Variants in CDKAL1 observed in about 807,000 individuals in gnomAD.
CDKAL1 encodes threonylcarbamoyladenosine tRNA methylthiotransferase.
Under a neutral mutation model 68.2 loss-of-function variants are expected in CDKAL1, and 32 were observed. That is an observed-to-expected ratio of 0.47 (90% CI 0.35 to 0.63). The LOEUF is 0.63. Ranked by LOEUF, CDKAL1 falls within the 30% of genes least tolerant of loss-of-function variation. CDKAL1 has a pLI of 0.00. For missense variants in CDKAL1, 606 were observed against 696.7 expected, an observed-to-expected ratio of 0.87 and a Z score of 1.47; for synonymous variants, 234 against 244.3, an observed-to-expected ratio of 0.96 and a Z score of 0.39.
At chr6:20,728,355 G>A (rs1017927398) in intron 5 of CDKAL1, among the ~76,000 whole-genome samples, 2 of 152,032 alleles carry the variant, frequency 1.3e-5, no homozygotes, top group Non-Finnish European at 2.9e-5. Flanking sequence ...GATTTTCATC[G>A]TTTACTCCAG....
intron 12 of CDKAL1, among the ~76,000 whole-genome samples, chr6:21,083,500 T>G (rs1272019437): frequency 6.6e-6 from 1 of 152,216 alleles, no homozygotes; most frequent in Non-Finnish European, 1.5e-5. Flanking sequence ...AATTTCAGAA[T>G]GGGTTACAGA....
At chr6:20,913,894 G>A (rs1417694746) in intron 9 of CDKAL1, among the ~76,000 whole-genome samples, 1 of 152,224 alleles carries the variant, frequency 6.6e-6, no homozygotes. Flanking sequence ...GGAGGCTGAG[G>A]CAGGAAGGAT....
chr6:21,183,140 T>G (rs551904419), intron 13 of CDKAL1, among the ~76,000 whole-genome samples: 1 of 151,802 alleles, frequency 6.6e-6, no homozygotes, highest in East Asian at 1.9e-4. Flanking sequence ...GCTCTAGGTT[T>G]TTTTTTTTTT....
At chr6:20,878,279 GAAC>G (rs929932998) in intron 9 of CDKAL1, among the ~76,000 whole-genome samples, 2 of 152,066 alleles carry the variant, frequency 1.3e-5, no homozygotes, top group Non-Finnish European at 2.9e-5. Flanking sequence ...TAGTAACTGG[GAAC>G]AACAAGATCG....
chr6:20,642,069 C>G (rs947099461), intron 4 of CDKAL1, among the ~76,000 whole-genome samples: 2 of 152,020 alleles, frequency 1.3e-5, no homozygotes, highest in African/African-American at 4.8e-5. Flanking sequence ...TATAGGATCT[C>G]ATTTTGTTTT....
rs1561950168 is a variant in CDKAL1, at chr6:21,000,114, T to C, written c.910-113T>C. On this transcript the variant is annotated intron_variant, in intron 10 of 15. Coordinates refer to ENST00000274695, the MANE Select transcript of CDKAL1 (RefSeq NM_017774.3). ...TGTTCACTTTAAGAGCCTTGATGAT[T>C]GGTCTGTTTTCAGCTAGTATGTTTA... The C allele has an allele frequency of 1.1e-5, 8 of 697,534 alleles. No homozygotes were observed. The Admixed American group carries it at 1.2e-4, about 11-fold the overall frequency. 43.2% of individuals were successfully genotyped at this position (697,534 alleles called of 1,614,324 possible).
chr6:20,665,369 A>C (rs1286787454), intron 5 of CDKAL1, among the ~76,000 whole-genome samples: 1 of 152,180 alleles, frequency 6.6e-6, no homozygotes, highest in Non-Finnish European at 1.5e-5. Flanking sequence ...CGTATTTCAA[A>C]ATACAAATGC....
intron 11 of CDKAL1, among the ~76,000 whole-genome samples, chr6:21,030,776 A>C (rs955615852): frequency 2.6e-5 from 4 of 152,112 alleles, no homozygotes; most frequent in African/African-American, 4.8e-5. Flanking sequence ...ATGTTCAAAA[A>C]GTTTAAAGGG....
chr6:20,856,234 C>T lies in CDKAL1; in HGVS notation c.742+10056C>T, dbSNP rs568076039. ...TAACCAAGAGGGGATTGGGGTCAGGCGTATGTGGCAGTGTGAATATGGGTT... is the reference window on the plus strand; with the variant it reads ...TAACCAAGAGGGGATTGGGGTCAGGTGTATGTGGCAGTGTGAATATGGGTT... On this transcript the variant is annotated intron_variant, in intron 9 of 15. Coordinates refer to ENST00000274695, the MANE Select transcript of CDKAL1 (RefSeq NM_017774.3). Among the ~76,000 whole-genome samples, 11 of 152,108 alleles carry T rather than the reference C, an allele frequency of 7.2e-5. No individual in the cohort carries two copies. The South Asian group carries it at 1.5e-3, about 20-fold the overall frequency.
chr6:20,675,570 A>G (rs1051845978), intron 5 of CDKAL1, among the ~76,000 whole-genome samples: 3 of 152,190 alleles, frequency 2.0e-5, no homozygotes, highest in Non-Finnish European at 2.9e-5. Flanking sequence ...ACCTGGTTAT[A>G]TCATAGCAAT....
intron 11 of CDKAL1, among the ~76,000 whole-genome samples, chr6:21,003,371 T>TATATACACAC: frequency 1.0e-4 from 5 of 49,308 alleles, no homozygotes; most frequent in African/African-American, 3.3e-4. Context: ...TATATATATA[T>TATATACACAC]ACACACACAC....
Position 20,832,009 on chromosome 6 carries a change from T to C in CDKAL1, c.639-14066T>C, listed in dbSNP as rs542911793. On this transcript the variant is annotated intron_variant, in intron 8 of 15. Coordinates refer to ENST00000274695, the MANE Select transcript of CDKAL1 (RefSeq NM_017774.3). ...GCTCTCCTCTCCTTTGCAAAACTTA[T>C]TGAACCACCGCTGCGCTGTCTGTTC... Among the ~76,000 whole-genome samples, 20 of 152,326 alleles carry C rather than the reference T, an allele frequency of 1.3e-4. No homozygotes were observed. In the South Asian group the frequency reaches 1.4e-3, roughly 11 times the overall value.
intron 10 of CDKAL1, among the ~76,000 whole-genome samples, chr6:20,966,273 T>A (rs1207183275): frequency 6.6e-6 from 1 of 152,236 alleles, no homozygotes; most frequent in Non-Finnish European, 1.5e-5. Context: ...ACCACAGAAA[T>A]GCTCCACTTG....
intron 5 of CDKAL1, among the ~76,000 whole-genome samples, chr6:20,687,351 A>G (rs1029171120): frequency 1.3e-5 from 2 of 152,162 alleles, no homozygotes; most frequent in African/African-American, 2.4e-5. Flanking sequence ...AATTTATTTA[A>G]TAGATATAGG....
chr6:20,878,707 G>A (rs1760661299), intron 9 of CDKAL1, among the ~76,000 whole-genome samples: 1 of 152,054 alleles, frequency 6.6e-6, no homozygotes, highest in Non-Finnish European at 1.5e-5. Context: ...CTGCACTCCA[G>A]CCTGGGTGAC....
At chr6:20,794,502 G>T (rs1776031102) in intron 8 of CDKAL1, among the ~76,000 whole-genome samples, 1 of 152,110 alleles carries the variant, frequency 6.6e-6, no homozygotes, top group African/African-American at 2.4e-5. Flanking sequence ...GGTAGACTTT[G>T]TAAAATACTT....
chr6:20,597,182 G>T (rs769092218), intron 4 of CDKAL1, among the ~76,000 whole-genome samples: 46 of 152,088 alleles, frequency 3.0e-4, no homozygotes, highest in Non-Finnish European at 6.3e-4. Context: ...AGGCTGGAGT[G>T]CAGTGGTGTG....
rs1761184729 is a variant in CDKAL1 at position 20,888,135 on chromosome 6, C to T, written c.742+41957C>T. Reference sequence around the variant, plus strand: ...TGCTGTCCCTCCCGCATTCCCGCACCCCATGACAGGCCCTGGTGTGTGATG... The same window carrying T: ...TGCTGTCCCTCCCGCATTCCCGCACTCCATGACAGGCCCTGGTGTGTGATG... On this transcript the variant is annotated intron_variant, in intron 9 of 15. Transcript: ENST00000274695. Among the ~76,000 whole-genome samples the T allele has an allele frequency of 6.6e-5, 10 of 151,870 alleles. No individual in the cohort carries two copies. The South Asian group carries it at 2.1e-3, about 32-fold the overall frequency.
intron 5 of CDKAL1, among the ~76,000 whole-genome samples, chr6:20,683,101 T>C (rs1770458601): frequency 6.6e-6 from 1 of 152,172 alleles, no homozygotes; most frequent in African/African-American, 2.4e-5. Flanking sequence ...TAGCTGGAAC[T>C]ACAGGTGCAC....
Sources: gnomAD v4.1 joint callset for allele counts (sites outside exome capture counted in the v4.1 genomes callset) on GRCh38, gnomAD v4.1.1 for gene constraint, MANE v1.5 for transcripts, NCBI Gene and HGNC (gene_info 2026-07-23, HGNC 2026-07-21) for gene names.